DCTN1: variants seen among roughly 807,000 people sequenced by gnomAD.
The protein encoded by DCTN1 is dynactin subunit 1.
In DCTN1, 61 loss-of-function variants were observed where a neutral mutation model predicts 161.2. The ratio of observed to expected loss-of-function variants is 0.38; its 90% CI spans 0.31 to 0.47. DCTN1 has a LOEUF of 0.47. DCTN1 is among the 20% of genes least tolerant of loss of function. The probability of loss-of-function intolerance (pLI) is 0.99; values close to 1 mark genes in which losing one functional copy is unlikely to be tolerated. For synonymous variants in DCTN1, 653 were observed against 632.4 expected, an observed-to-expected ratio of 1.03 and a Z score of -0.49; for missense variants, 1,404 against 1,623.7, an observed-to-expected ratio of 0.86 and a Z score of 2.33.
chr2:74,389,119 T>C (rs1291184248), intron 1 of DCTN1, among the ~76,000 whole-genome samples: 1 of 151,982 alleles, frequency 6.6e-6, no homozygotes, highest in Non-Finnish European at 1.5e-5. Context: ...TAGGAAGGAT[T>C]TGGGGCAGCA....
chr2:74,379,849 C>A (rs1272944519), intron 1 of DCTN1, among the ~76,000 whole-genome samples, 156 bp downstream of exon 1: 4 of 152,116 alleles, frequency 2.6e-5, no homozygotes, highest in Non-Finnish European at 5.9e-5. Flanking sequence ...TCCAGCCTTA[C>A]ACCACCAGGG....
At chr2:74,381,470 T>A (rs774665359), upstream of DCTN1, among the ~76,000 whole-genome samples, 2 of 152,174 alleles carry the variant, frequency 1.3e-5, no homozygotes, top group South Asian at 4.1e-4. Context: ...AAATCTTCAG[T>A]CCTGGCCAGA....
rs754428581 is a variant in DCTN1 at position 74,367,764 on chromosome 2, G to T, written c.2116C>A (p.Leu706Met). Residue 706 changes from leucine (L) to methionine (M), a missense_variant, in exon 18 of 32, where the codon CTG becomes ATG. Around this residue, in one of 9 missense-constraint regions of DCTN1, gnomAD observed 475 missense variants for 489.8 expected, o/e 0.97. Transcript: ENST00000628224. ...ERSLDFLIEL[L>M]HKDQLDETVN... The stretch of plus-strand genomic sequence containing the variant: ...GTCTCATCCAGCTGATCCTTGTGCA[G>T]CAGTTCAATGAGGAAATCCAAGGAG... The T allele has an allele frequency of 6.2e-7, 1 of 1,614,198 alleles. No individual in the cohort carries two copies.
intron 26 of DCTN1, chr2:74,363,936 T>A (rs563479415): frequency 2.8e-5 from 13 of 469,236 alleles, no homozygotes; most frequent in South Asian, 2.6e-4. Context: ...CCTCCCTGTC[T>A]CAGATGCCAT....
At chr2:74,375,852 A>G (rs1675191176) in intron 5 of DCTN1, among the ~76,000 whole-genome samples, 1 of 152,114 alleles carries the variant, frequency 6.6e-6, no homozygotes, top group South Asian at 2.1e-4. Flanking sequence ...CTGGAAAAGG[A>G]GATGTTTTCC....
chr2:74,365,416 T>C, intron 25 of DCTN1, 99 bp downstream of exon 25: 2 of 1,586,298 alleles, frequency 1.3e-6, no homozygotes, highest in Non-Finnish European at 1.7e-6. Flanking sequence ...ATGGGGAGTC[T>C]CACTATAAGA....
At chr2:74,385,916 T>A (rs562057274) in intron 1 of DCTN1, among the ~76,000 whole-genome samples, 1 of 152,220 alleles carries the variant, frequency 6.6e-6, no homozygotes, top group Non-Finnish European at 1.5e-5. Context: ...TCTGCCTGTC[T>A]CTCTGCCAAG....
At chr2:74,389,336 G>A (rs941565143) in intron 1 of DCTN1, among the ~76,000 whole-genome samples, 4 of 152,154 alleles carry the variant, frequency 2.6e-5, no homozygotes, top group African/African-American at 9.7e-5. Context: ...GGGACACTGA[G>A]GACCGAGTTC....
intron 30 of DCTN1, 64 bp from the exon 31 acceptor site, chr2:74,362,205 ACGT>A: frequency 6.8e-7 from 1 of 1,475,298 alleles, no homozygotes; most frequent in Admixed American, 1.7e-5. Context: ...GCACAAGACC[ACGT>A]GGTTTCACAG....
chr2:74,379,599 C>G (rs918844869), intron 1 of DCTN1, among the ~76,000 whole-genome samples: 1 of 152,184 alleles, frequency 6.6e-6, no homozygotes, highest in African/African-American at 2.4e-5. Flanking sequence ...CTCTCAGAAC[C>G]AGGGGGCCAC....
upstream of DCTN1, chr2:74,380,392 A>G (rs1368039414): frequency 5.9e-6 from 3 of 505,212 alleles, no homozygotes; most frequent in African/African-American, 1.9e-5. Context: ...TGGGCCAGAA[A>G]CTAAGGGCTG....
Position 74,369,647 on chromosome 2 carries a change from T to C in DCTN1, c.1393-156A>G, listed in dbSNP as rs572329656. Among the ~76,000 whole-genome samples the C allele has an allele frequency of 1.3e-5, 2 of 152,056 alleles. No homozygotes were observed. Among genetic ancestry groups the C allele is most frequent in the African/African-American group, 2.4e-5 (1 of 41,496 alleles). ...GGCCAACATGGTGAAACCCCATCTC[T>C]ACTAAAAATACAAAAATTAGCTGGG... On this transcript the variant is annotated intron_variant, in intron 13 of 31. Transcript: ENST00000628224. The surrounding 1 kb of genome is among the most constrained non-coding windows in gnomAD (Gnocchi z 4.9).
upstream of DCTN1, chr2:74,380,522 G>C: frequency 2.1e-6 from 1 of 472,868 alleles, no homozygotes; most frequent in Non-Finnish European, 4.4e-6. Flanking sequence ...CTCTCCCCCA[G>C]GATGTAAGGC....
At chr2:74,365,461 A>C in intron 25 of DCTN1, 54 bp downstream of exon 25, 1 of 1,613,576 alleles carries the variant, frequency 6.2e-7, no homozygotes, top group African/African-American at 1.3e-5. Context: ...GGAGGCAGAG[A>C]GCTCCAGCAG....
intron 26 of DCTN1, 116 bp downstream of exon 26, chr2:74,364,959 T>C (rs1041312904): frequency 6.1e-6 from 8 of 1,304,882 alleles, no homozygotes; most frequent in Middle Eastern, 1.8e-4. Flanking sequence ...TGTGTAAGCA[T>C]GTTCCTGGCT....
intron 1 of DCTN1, chr2:74,378,905 C>T (rs1424478137): frequency 1.3e-5 from 2 of 154,888 alleles, no homozygotes; most frequent in East Asian, 3.8e-4. Flanking sequence ...CCCCTTCTAC[C>T]TGGCCTGAGT....
intron 1 of DCTN1, among the ~76,000 whole-genome samples, chr2:74,388,571 A>G (rs1345411266): frequency 6.6e-6 from 1 of 152,120 alleles, no homozygotes; most frequent in East Asian, 1.9e-4. Context: ...CCTCTTTCCT[A>G]AAGACTCTCC....
intron 1 of DCTN1, 108 bp from the exon 2 acceptor site, chr2:74,378,353 G>C: frequency 1.4e-6 from 2 of 1,429,230 alleles, no homozygotes; most frequent in Middle Eastern, 2.4e-4. Context: ...AACAACCAGA[G>C]TCATTTTCTT....
chr2:74,366,708 G>C, intron 21 of DCTN1, 75 bp downstream of exon 21: 4 of 1,614,128 alleles, frequency 2.5e-6, no homozygotes, highest in Non-Finnish European at 3.4e-6. Context: ...CCCCTAACCA[G>C]ATCCAGATCT....
Sources: allele counts gnomAD v4.1 joint callset (sites outside exome capture counted in the v4.1 genomes callset), GRCh38; gene constraint gnomAD v4.1.1; regional missense constraint gnomAD v4.1.1; non-coding constraint Gnocchi (gnomAD v3.1); transcripts MANE v1.5; gene names NCBI Gene and HGNC (gene_info 2026-07-23, HGNC 2026-07-21).